Variants in SEMA5A observed in about 807,000 individuals in gnomAD.
SEMA5A encodes semaphorin 5A.
Under a neutral mutation model 135.5 loss-of-function variants are expected in SEMA5A, and 55 were observed. The ratio of observed to expected loss-of-function variants is 0.41; its 90% CI spans 0.33 to 0.51. The LOEUF is 0.51. SEMA5A is among the 20% of genes least tolerant of loss of function. The pLI, the probability that SEMA5A is intolerant of heterozygous loss-of-function variation, is 0.37. For synonymous variants in SEMA5A, 580 were observed against 546.5 expected (o/e 1.06, Z -0.85); for missense variants, 1,290 against 1,419.9 (o/e 0.91, Z 1.47).
At chr5:9,404,727 T>G (rs1479863085) in intron 2 of SEMA5A, among the ~76,000 whole-genome samples, 1 of 152,230 alleles carries the variant, frequency 6.6e-6, no homozygotes, top group Non-Finnish European at 1.5e-5. Flanking sequence ...AAACTCTGAT[T>G]AGACTAACTT....
chr5:9,057,545 G>A (rs1050127431), intron 18 of SEMA5A, among the ~76,000 whole-genome samples: 1 of 152,144 alleles, frequency 6.6e-6, no homozygotes, highest in African/African-American at 2.4e-5. Context: ...CCTGGCACAG[G>A]ATCATTTATT....
chr5:9,523,684 A>G (rs1026542537), intron 1 of SEMA5A, among the ~76,000 whole-genome samples: 1 of 152,182 alleles, frequency 6.6e-6, no homozygotes, highest in African/African-American at 2.4e-5. Context: ...GGCATACAAA[A>G]ATCAGCAAGT....
chr5:9,297,018 C>T (rs1751370177), intron 5 of SEMA5A, among the ~76,000 whole-genome samples: 1 of 151,792 alleles, frequency 6.6e-6, no homozygotes, highest in South Asian at 2.1e-4. Context: ...CAAAAAGGTG[C>T]AGCTAAAGCT....
At chr5:9,431,318 T>G (rs1757848315) in intron 2 of SEMA5A, among the ~76,000 whole-genome samples, 1 of 152,192 alleles carries the variant, frequency 6.6e-6, no homozygotes, top group Non-Finnish European at 1.5e-5. Flanking sequence ...TCCTCAGCAC[T>G]GGAAATGTAA....
chr5:9,059,601 G>A (rs1020358877), intron 18 of SEMA5A, among the ~76,000 whole-genome samples: 1 of 152,104 alleles, frequency 6.6e-6, no homozygotes, highest in African/African-American at 2.4e-5. Flanking sequence ...CCAGACTGCA[G>A]TGCAGTGGCA....
chr5:9,387,008 T>G (rs938626253), intron 2 of SEMA5A, among the ~76,000 whole-genome samples: 1 of 152,132 alleles, frequency 6.6e-6, no homozygotes, highest in Non-Finnish European at 1.5e-5. Context: ...TCATCTAGTC[T>G]CTCTTCCCTC....
intron 8 of SEMA5A, among the ~76,000 whole-genome samples, chr5:9,220,089 G>A (rs1269486485): frequency 2.0e-5 from 3 of 152,192 alleles, no homozygotes; most frequent in African/African-American, 7.2e-5. Context: ...TTATTCCAAG[G>A]GGAGTAATTC....
At chr5:9,502,074 C>A (rs1277121515) in intron 1 of SEMA5A, among the ~76,000 whole-genome samples, 1 of 152,106 alleles carries the variant, frequency 6.6e-6, no homozygotes, top group Non-Finnish European at 1.5e-5. Flanking sequence ...TAATCATGAG[C>A]ATTCTGAATT....
At chr5:9,518,322 T>C (rs1736638110) in intron 1 of SEMA5A, among the ~76,000 whole-genome samples, 1 of 152,222 alleles carries the variant, frequency 6.6e-6, no homozygotes. Flanking sequence ...ATTCCTCAGG[T>C]AAAAGGCATA....
At chr5:9,221,575 T>C (rs551235247) in intron 8 of SEMA5A, among the ~76,000 whole-genome samples, 35 of 152,304 alleles carry the variant, frequency 2.3e-4, no homozygotes, top group African/African-American at 7.2e-4. Flanking sequence ...GTGCTGGGAT[T>C]ACAGGCGTGA....
chr5:9,511,054 G>A (rs972163440), intron 1 of SEMA5A, among the ~76,000 whole-genome samples: 2 of 152,064 alleles, frequency 1.3e-5, no homozygotes, highest in Admixed American at 6.5e-5. Context: ...GATATCTAGT[G>A]TACCAGAAAT....
chr5:9,340,307 C>T (rs1753590704), intron 3 of SEMA5A, among the ~76,000 whole-genome samples: 1 of 152,158 alleles, frequency 6.6e-6, no homozygotes, highest in Admixed American at 6.5e-5. Flanking sequence ...GAGCTGGGCT[C>T]ACATCCAATC....
At chr5:9,148,673 T>G (rs138653588) in intron 12 of SEMA5A, among the ~76,000 whole-genome samples, 2 of 152,106 alleles carry the variant, frequency 1.3e-5, no homozygotes, top group Non-Finnish European at 2.9e-5. Flanking sequence ...CTCCTGAGAG[T>G]ACAGTGCCTT....
intron 1 of SEMA5A, among the ~76,000 whole-genome samples, chr5:9,506,972 T>C (rs1454981480): frequency 4.4e-5 from 6 of 137,552 alleles, no homozygotes; most frequent in African/African-American, 1.6e-4. Context: ...TCTTTTAAGT[T>C]TGCTACAACC....
intron 6 of SEMA5A, among the ~76,000 whole-genome samples, chr5:9,236,873 C>T (rs932489186): frequency 3.3e-5 from 5 of 152,078 alleles, no homozygotes; most frequent in East Asian, 1.9e-4. Flanking sequence ...CTGACTCCCA[C>T]AGCGATTCAG....
At chr5:9,498,062 C>A (rs1202338174) in intron 1 of SEMA5A, among the ~76,000 whole-genome samples, 1 of 152,156 alleles carries the variant, frequency 6.6e-6, no homozygotes, top group Non-Finnish European at 1.5e-5. Context: ...TTTCTGTATA[C>A]TACGATGTTT....
In SEMA5A at chr5:9,197,264, C is replaced by T. The variant is rs773623316; in HGVS notation, c.972G>A (p.Leu324=). ...CAGAGAAGGCCTGCGCGATGGCGCTCAGGTTGAAGACGCACACAGCTGAGG... is the reference window on the plus strand; with the variant it reads ...CAGAGAAGGCCTGCGCGATGGCGCTTAGGTTGAAGACGCACACAGCTGAGG... ...IAASAVCVFN[L]SAIAQAFSGP... The change falls in exon 10 of 23, where the codon CTG becomes CTA. Residue 324 remains leucine (L), a synonymous_variant. Transcript: ENST00000382496. The T allele has an allele frequency of 1.2e-5, 20 of 1,614,150 alleles. No homozygotes were observed. The East Asian group carries it at 2.9e-4, about 23-fold the overall frequency.
rs1407785485 is a variant in SEMA5A, at chr5:9,384,629, TA to T, written c.-77-4607del. Among the ~76,000 whole-genome samples, 1,015 of 117,478 alleles carry T rather than the reference TA, an allele frequency of 8.6e-3. 71 individuals are homozygous for T. Among genetic ancestry groups the T allele is most frequent in the African/African-American group, 0.031 (958 of 30,522 alleles). 77.1% of individuals were successfully genotyped at this position (117,478 alleles called of 152,430 possible). A position where few individuals can be genotyped will look rare whatever the true frequency, so the allele number is the denominator to read the frequency against. ...ATAGATAGATAGATACATAGATAGA[TA>T]GATAGATAGATAGATAGATAGATAG... On this transcript the variant is annotated intron_variant, in intron 2 of 22. Coordinates refer to ENST00000382496, the MANE Select transcript of SEMA5A (RefSeq NM_003966.3).
intron 3 of SEMA5A, among the ~76,000 whole-genome samples, chr5:9,345,350 G>A (rs1753814577): frequency 6.6e-6 from 1 of 152,120 alleles, no homozygotes; most frequent in Non-Finnish European, 1.5e-5. Flanking sequence ...CAGACATGAA[G>A]CCTGTCCACC....
Sources: gnomAD v4.1 joint callset for allele counts (sites outside exome capture counted in the v4.1 genomes callset) on GRCh38, gnomAD v4.1.1 for gene constraint, MANE v1.5 for transcripts, NCBI Gene and HGNC (gene_info 2026-07-23, HGNC 2026-07-21) for gene names.